The following CSNK2A2IP variants were observed in gnomAD, a reference collection of about 807,000 sequenced individuals.
CSNK2A2IP encodes casein kinase II subunit alpha'-interacting protein.
the CSNK2A2IP span, among the ~76,000 whole-genome samples, chr3:88,378,175 T>A: frequency 2.0e-5 from 3 of 151,906 alleles, no homozygotes; most frequent in Non-Finnish European, 4.4e-5. Flanking sequence ...TATGTAACTT[T>A]CCCCCACTTT....
chr3:88,455,101 T>TAC, the CSNK2A2IP span, among the ~76,000 whole-genome samples: 44,184 of 151,536 alleles, frequency 0.29, 7,162 homozygotes, highest in East Asian at 0.48. Context: ...CCATTGTTTG[T>TAC]ACACACACAC....
At chr3:88,408,989 A>G in the CSNK2A2IP span, among the ~76,000 whole-genome samples, 5 of 152,022 alleles carry the variant, frequency 3.3e-5, no homozygotes, top group African/African-American at 7.3e-5. Context: ...GGAATAGTGT[A>G]ATTAGTTGCT....
At chr3:88,457,455 G>A in the CSNK2A2IP span, among the ~76,000 whole-genome samples, 138 of 152,094 alleles carry the variant, frequency 9.1e-4, 1 homozygote, top group African/African-American at 3.2e-3. Flanking sequence ...CAGCACTTTG[G>A]GAGGCCGAGG....
At chr3:88,458,851 A>C in the CSNK2A2IP span, among the ~76,000 whole-genome samples, 1 of 152,172 alleles carries the variant, frequency 6.6e-6, no homozygotes, top group African/African-American at 2.4e-5. Context: ...TAAATCTGAG[A>C]CCATACTGCG....
chr3:88,428,952 G>A, the CSNK2A2IP span, among the ~76,000 whole-genome samples: 2 of 145,196 alleles, frequency 1.4e-5, no homozygotes, highest in Admixed American at 6.9e-5. Context: ...TTTGAAATAA[G>A]TGTGGTCCAG....
At chr3:88,458,940 A>G in the CSNK2A2IP span, among the ~76,000 whole-genome samples, 2 of 152,172 alleles carry the variant, frequency 1.3e-5, no homozygotes, top group African/African-American at 4.8e-5. Context: ...ATGTCCACTT[A>G]AAAGAACAAT....
the CSNK2A2IP span, among the ~76,000 whole-genome samples, chr3:88,403,336 G>T: frequency 3.3e-5 from 5 of 152,104 alleles, no homozygotes; most frequent in Non-Finnish European, 5.9e-5. Context: ...AGAAAAGTAA[G>T]GTCACCATTG....
At chr3:88,419,684 A>C in the CSNK2A2IP span, among the ~76,000 whole-genome samples, 1 of 152,138 alleles carries the variant, frequency 6.6e-6, no homozygotes, top group African/African-American at 2.4e-5. Flanking sequence ...AAGGAAGTAA[A>C]ATTTTAAGAG....
chr3:88,359,084 C>G, the CSNK2A2IP span, among the ~76,000 whole-genome samples: 1 of 148,980 alleles, frequency 6.7e-6, no homozygotes, highest in African/African-American at 2.5e-5. Flanking sequence ...TCTTTTCTAT[C>G]TCATTACTTG....
the CSNK2A2IP span, among the ~76,000 whole-genome samples, chr3:88,436,257 G>T: frequency 6.6e-6 from 1 of 151,900 alleles, no homozygotes; most frequent in African/African-American, 2.4e-5. Flanking sequence ...AAGAATGAAA[G>T]GTTAATCAAT....
At chr3:88,367,943 A>G in the CSNK2A2IP span, among the ~76,000 whole-genome samples, 1 of 152,080 alleles carries the variant, frequency 6.6e-6, no homozygotes, top group Non-Finnish European at 1.5e-5. Context: ...CTAGTTTTAA[A>G]GTAGCAGTGA....
the CSNK2A2IP span, among the ~76,000 whole-genome samples, chr3:88,438,766 TC>T: frequency 6.6e-6 from 1 of 152,216 alleles, no homozygotes; most frequent in Admixed American, 6.5e-5. Flanking sequence ...TTCTGAAGGA[TC>T]CTGTGTCACG....
chr3:88,389,104 A>T, the CSNK2A2IP span, among the ~76,000 whole-genome samples: 1 of 152,152 alleles, frequency 6.6e-6, no homozygotes, highest in Admixed American at 6.5e-5. Flanking sequence ...ATATAACTAT[A>T]TTAGATGATA....
the CSNK2A2IP span, among the ~76,000 whole-genome samples, chr3:88,460,459 ACT>A: frequency 6.6e-6 from 1 of 150,882 alleles, no homozygotes; most frequent in Non-Finnish European, 1.5e-5. Context: ...TCACTCTCCA[ACT>A]CTCTCTCGTT....
the CSNK2A2IP span, among the ~76,000 whole-genome samples, chr3:88,433,208 C>A: frequency 1.3e-5 from 2 of 151,848 alleles, no homozygotes; most frequent in Non-Finnish European, 2.9e-5. Flanking sequence ...ACTTACTGAT[C>A]CCGACTTAAT....
chr3:88,350,487 G>A, the CSNK2A2IP span, among the ~76,000 whole-genome samples: 4 of 151,582 alleles, frequency 2.6e-5, no homozygotes, highest in East Asian at 7.8e-4. Context: ...GGAAGGGGGA[G>A]AAAAGATGAG....
chr3:88,395,834 C>T, the CSNK2A2IP span, among the ~76,000 whole-genome samples: 1 of 152,114 alleles, frequency 6.6e-6, no homozygotes, highest in African/African-American at 2.4e-5. Context: ...TAAGTATACT[C>T]CTGTTTCACA....
At chr3:88,352,158 G>C in the CSNK2A2IP span, among the ~76,000 whole-genome samples, 1 of 151,972 alleles carries the variant, frequency 6.6e-6, no homozygotes, top group Admixed American at 6.6e-5. Context: ...TGATAAAAAT[G>C]TTTTAGTTTT....
the CSNK2A2IP span, among the ~76,000 whole-genome samples, chr3:88,377,883 TTTAA>T: frequency 6.6e-6 from 1 of 151,964 alleles, no homozygotes; most frequent in African/African-American, 2.4e-5. Flanking sequence ...GTGACTTTTA[TTTAA>T]TTCACTCTTT....
Sources: gnomAD v4.1 joint callset for allele counts (sites outside exome capture counted in the v4.1 genomes callset) on GRCh38, gnomAD v4.1.1 for gene constraint, MANE v1.5 for transcripts, NCBI Gene and HGNC (gene_info 2026-07-23, HGNC 2026-07-21) for gene names.